Variants in POU3F3 observed in about 807,000 individuals in gnomAD.
POU3F3 encodes the protein POU class 3 homeobox 3.
Under a neutral mutation model 8.6 loss-of-function variants are expected in POU3F3, and 1 was observed. The observed-to-expected ratio is 0.12, with a 90% CI of 0.04 to 0.55. The LOEUF is 0.55. Ranked by LOEUF, POU3F3 falls within the 20% of genes least tolerant of loss-of-function variation. The pLI is 0.91. For missense variants in POU3F3, 577 were observed against 690.7 expected, an observed-to-expected ratio of 0.84 and a Z score of 1.84; for synonymous variants, 418 against 327.4, an observed-to-expected ratio of 1.28 and a Z score of -2.99.
chr2:104,923,417 CAG>C, the POU3F3 span, among the ~76,000 whole-genome samples: 1 of 152,084 alleles, frequency 6.6e-6, no homozygotes, highest in African/African-American at 2.4e-5. Flanking sequence ...TGTATAGGAG[CAG>C]AGTTGTTTTT....
In POU3F3 at chr2:104,854,776, G is replaced by C. The variant is rs987653374; in HGVS notation, c.-735G>C. 1.3e-5 allele frequency among the ~76,000 whole-genome samples: 2 copies of C among 152,314 alleles called. No homozygotes were observed. The highest frequency in any genetic ancestry group is 4.1e-4 in the South Asian group (2 of 4,828). ...TCTCCGCACTCGCGAGCAGCCAGCA[G>C]CACCACGCCTTCAAGGACGAAAAAG... On this transcript the variant is annotated 5_prime_UTR_variant, in exon 1 of 1. Coordinates refer to ENST00000361360, the MANE Select transcript of POU3F3 (RefSeq NM_006236.3). This position sits in a 1 kb window ranked among gnomAD's most constrained non-coding sequence, Gnocchi z 4.5.
At chr2:104,876,987 G>A in the POU3F3 span, among the ~76,000 whole-genome samples, 1 of 152,164 alleles carries the variant, frequency 6.6e-6, no homozygotes, top group East Asian at 1.9e-4. Context: ...CAAGGGAGAA[G>A]GGTGAACTGC....
chr2:104,897,588 C>G, the POU3F3 span, among the ~76,000 whole-genome samples: 1 of 152,194 alleles, frequency 6.6e-6, no homozygotes, highest in African/African-American at 2.4e-5. Context: ...CTCCAAGACC[C>G]AGGACGAACC....
chr2:104,877,899 G>A, the POU3F3 span, among the ~76,000 whole-genome samples: 10 of 151,810 alleles, frequency 6.6e-5, no homozygotes, highest in East Asian at 1.9e-4. Context: ...CTCATGATCC[G>A]TCCTCCTCGG....
the POU3F3 span, among the ~76,000 whole-genome samples, chr2:104,912,272 G>A: frequency 6.6e-6 from 1 of 152,224 alleles, no homozygotes; most frequent in Non-Finnish European, 1.5e-5. Flanking sequence ...AAGGAAGGGG[G>A]AAGGAGGGAG....
At chr2:104,879,728 C>T in the POU3F3 span, among the ~76,000 whole-genome samples, 2 of 152,092 alleles carry the variant, frequency 1.3e-5, no homozygotes, top group Admixed American at 6.5e-5. Flanking sequence ...GTTTCAGGAG[C>T]AGATCTCCTG....
chr2:104,912,411 A>G, the POU3F3 span, among the ~76,000 whole-genome samples: 1 of 151,916 alleles, frequency 6.6e-6, no homozygotes. Flanking sequence ...AAAGCTGTTG[A>G]GCACCATTTA....
chr2:104,909,931 T>C, the POU3F3 span, among the ~76,000 whole-genome samples: 1 of 152,166 alleles, frequency 6.6e-6, no homozygotes, highest in Non-Finnish European at 1.5e-5. Context: ...AAATCTATTT[T>C]TATAGAAAAA....
At chr2:104,874,285 T>G in the POU3F3 span, among the ~76,000 whole-genome samples, 3 of 152,006 alleles carry the variant, frequency 2.0e-5, no homozygotes, top group Non-Finnish European at 4.4e-5. Context: ...ACAAAGGAAG[T>G]TGGACACAGG....
chr2:104,892,848 C>T, the POU3F3 span, among the ~76,000 whole-genome samples: 1 of 151,974 alleles, frequency 6.6e-6, no homozygotes, highest in African/African-American at 2.4e-5. Context: ...CAGACGTGAG[C>T]CACTGGGGCT....
chr2:104,909,089 T>C, the POU3F3 span, among the ~76,000 whole-genome samples: 1 of 152,236 alleles, frequency 6.6e-6, no homozygotes, highest in Non-Finnish European at 1.5e-5. Flanking sequence ...TATTTAGTTA[T>C]TCTGAAATCT....
the POU3F3 span, among the ~76,000 whole-genome samples, chr2:104,924,936 A>G: frequency 6.6e-6 from 1 of 152,196 alleles, no homozygotes; most frequent in African/African-American, 2.4e-5. Flanking sequence ...ATTGCATCAG[A>G]TTTCAAAAAT....
the POU3F3 span, among the ~76,000 whole-genome samples, chr2:104,883,908 A>G: frequency 1.3e-5 from 2 of 152,184 alleles, no homozygotes; most frequent in African/African-American, 2.4e-5. Context: ...TGAGCTTGCC[A>G]GTAGCTCAAG....
At chr2:104,877,790 TG>T in the POU3F3 span, among the ~76,000 whole-genome samples, 1 of 151,956 alleles carries the variant, frequency 6.6e-6, no homozygotes, top group Non-Finnish European at 1.5e-5. Flanking sequence ...CCTGAGTAGC[TG>T]GGATTACAGG....
the POU3F3 span, among the ~76,000 whole-genome samples, chr2:104,921,762 C>T: frequency 1.1e-4 from 16 of 152,312 alleles, no homozygotes; most frequent in African/African-American, 3.8e-4. Context: ...CTCTGGGAAG[C>T]TGAGGCAGGT....
rs1207881372 is a variant in POU3F3, at chr2:104,856,755, G to A, written c.1245G>A (p.Val415=). 6.2e-7 allele frequency: 1 copy of A among 1,614,114 alleles called. No homozygotes were observed. Among genetic ancestry groups the A allele is most frequent in the Non-Finnish European group, 8.5e-7 (1 of 1,180,024 alleles). Residue 415 remains valine, a synonymous_variant, in exon 1 of 1, where the codon GTG becomes GTA. Coordinates refer to ENST00000361360, the MANE Select transcript of POU3F3 (RefSeq NM_006236.3). The stretch of plus-strand genomic sequence containing the variant: ...GCAAGAAGCGGACCTCTATCGAGGT[G>A]AGCGTCAAGGGCGCGCTGGAGAGCC... ...RKRKKRTSIE[V]SVKGALESHF... is the part of the protein sequence containing the mutation.
At chr2:104,921,040 T>C in the POU3F3 span, among the ~76,000 whole-genome samples, 1 of 152,152 alleles carries the variant, frequency 6.6e-6, no homozygotes, top group Non-Finnish European at 1.5e-5. Flanking sequence ...TAATACTTAG[T>C]CCAGGGCCAC....
chr2:104,915,438 A>G, the POU3F3 span, among the ~76,000 whole-genome samples: 10 of 149,646 alleles, frequency 6.7e-5, no homozygotes, highest in Admixed American at 1.3e-4. Context: ...ACATAGAGCA[A>G]GTCTCTGGCA....
chr2:104,911,815 AGAGAGAGAGG>A, the POU3F3 span, among the ~76,000 whole-genome samples: 1 of 151,924 alleles, frequency 6.6e-6, no homozygotes, highest in Non-Finnish European at 1.5e-5. Flanking sequence ...AGTGGTCTCG[AGAGAGAGAGG>A]GAGAGAGAGA....
Sources: allele counts gnomAD v4.1 joint callset (sites outside exome capture counted in the v4.1 genomes callset), GRCh38; gene constraint gnomAD v4.1.1; non-coding constraint Gnocchi (gnomAD v3.1); transcripts MANE v1.5; gene names NCBI Gene and HGNC (gene_info 2026-07-23, HGNC 2026-07-21).